The following INHBC variants were observed in gnomAD, a reference collection of about 807,000 sequenced individuals.
INHBC encodes inhibin subunit beta C.
A neutral mutation model predicts 12.4 loss-of-function variants in INHBC; 10 were observed. The ratio of observed to expected loss-of-function variants is 0.81; its 90% CI spans 0.50 to 1.37. The LOEUF is 1.37. Ranked by LOEUF, INHBC falls within the 40% of genes most tolerant of loss-of-function variation. The probability of loss-of-function intolerance (pLI) is 0.00; values close to 1 mark genes in which losing one functional copy is unlikely to be tolerated. For missense variants in INHBC, 382 were observed against 439.4 expected (o/e 0.87, Z 1.17); for synonymous variants, 147 against 171.6 (o/e 0.86, Z 1.12).
intron 1 of INHBC, among the ~76,000 whole-genome samples, chr12:57,440,711 T>C (rs938453458): frequency 6.6e-6 from 1 of 152,214 alleles, no homozygotes; most frequent in Non-Finnish European, 1.5e-5. Flanking sequence ...ATTTTCAGCA[T>C]TCTGCCTGGA....
intron 1 of INHBC, among the ~76,000 whole-genome samples, chr12:57,447,892 A>AAAATATAT (rs1555325179): frequency 8.1e-4 from 16 of 19,860 alleles, no homozygotes; most frequent in Non-Finnish European, 9.5e-4. Context: ...AAAAAAAAAA[A>AAAATATAT]ATATATATAT....
chr12:57,443,034 A>T (rs1175703345), intron 1 of INHBC, among the ~76,000 whole-genome samples: 1 of 150,336 alleles, frequency 6.7e-6, no homozygotes. Context: ...TTTCCAATTT[A>T]CATGAAGCCT....
At chr12:57,447,922 T>TATATATATATATAA (rs1324931217) in intron 1 of INHBC, among the ~76,000 whole-genome samples, 3 of 75,622 alleles carry the variant, frequency 4.0e-5, no homozygotes, top group African/African-American at 5.3e-5. Flanking sequence ...TATATATATA[T>TATATATATATATAA]AAAATATATG....
intron 1 of INHBC, among the ~76,000 whole-genome samples, chr12:57,437,513 CA>C (rs1343929702): frequency 6.6e-6 from 1 of 150,780 alleles, no homozygotes; most frequent in Admixed American, 6.6e-5. Flanking sequence ...ACTAAAAATA[CA>C]AAAAAAATTA....
chr12:57,450,627 C>G lies in INHBC; in HGVS notation c.*605C>G, dbSNP rs569436333. 1 of 152,420 alleles carries G rather than the reference C, an allele frequency of 6.6e-6. No homozygotes were observed. The highest frequency in any genetic ancestry group is 2.1e-4 in the South Asian group (1 of 4,826). The allele number at this position is 152,420 out of a possible 1,614,324, so 9.4% of individuals were successfully genotyped here. On this transcript the variant is annotated 3_prime_UTR_variant, in exon 2 of 2. Transcript: ENST00000309668. ...ATTTTTTGTCCTTCTCTGCCTTTCT[C>G]TATGCCCTTAAGGGCTGACTTGCCT...
At chr12:57,446,289 G>T (rs1398209856) in intron 1 of INHBC, among the ~76,000 whole-genome samples, 2 of 151,906 alleles carry the variant, frequency 1.3e-5, no homozygotes, top group Non-Finnish European at 2.9e-5. Context: ...GGATGTCCAA[G>T]TCAAATATCA....
At chr12:57,443,633 A>C (rs1477569702) in intron 1 of INHBC, among the ~76,000 whole-genome samples, 2 of 152,198 alleles carry the variant, frequency 1.3e-5, no homozygotes, top group African/African-American at 4.8e-5. Context: ...GCCAAATTAC[A>C]ATGGGTATTT....
At chr12:57,440,420 C>T (rs1456137278) in intron 1 of INHBC, among the ~76,000 whole-genome samples, 2 of 146,610 alleles carry the variant, frequency 1.4e-5, no homozygotes, top group Non-Finnish European at 3.0e-5. Context: ...GCAACCTCTG[C>T]CTCCCGGGTT....
At chr12:57,441,354 CAAAAAAAAAAAAAA>C (rs1171735520) in intron 1 of INHBC, among the ~76,000 whole-genome samples, 1 of 33,926 alleles carries the variant, frequency 2.9e-5, no homozygotes, top group Non-Finnish European at 4.8e-5. Flanking sequence ...AATTCCATCT[CAAAAAAAAAAAAAA>C]AAAAAAAAAA....
chr12:57,448,148 TCA>T (rs1381457204), intron 1 of INHBC, among the ~76,000 whole-genome samples: 1 of 151,588 alleles, frequency 6.6e-6, no homozygotes, highest in Non-Finnish European at 1.5e-5. Context: ...GCCAGGACAT[TCA>T]TGTGACAAAA....
chr12:57,439,223 A>T (rs578247058), intron 1 of INHBC, among the ~76,000 whole-genome samples: 1 of 152,254 alleles, frequency 6.6e-6, no homozygotes, highest in African/African-American at 2.4e-5. Flanking sequence ...CAGGATAAAC[A>T]TAATAGATAT....
chr12:57,449,419 C>A lies in INHBC; in HGVS notation c.456C>A (p.Val152=). ...SNTTWTLKVR[V]LVLGPHNTNL... is the part of the protein sequence containing the mutation. ...CCACTTGGACCTTGAAAGTGAGAGT[C>A]CTTGTGCTGGGTCCACATAATACCA... is the stretch of plus-strand genomic sequence containing the variant. The change falls in exon 2 of 2, where the codon GTC becomes GTA. Residue 152 remains valine (V), a synonymous_variant. Coordinates refer to ENST00000309668, the MANE Select transcript of INHBC (RefSeq NM_005538.4). 6.2e-7 allele frequency: 1 copy of A among 1,614,188 alleles called. No homozygotes were observed. Among genetic ancestry groups the A allele is most frequent in the South Asian group, 1.1e-5 (1 of 91,084 alleles).
chr12:57,442,034 A>G (rs1010132294), intron 1 of INHBC, among the ~76,000 whole-genome samples: 33 of 152,160 alleles, frequency 2.2e-4, no homozygotes, highest in African/African-American at 7.5e-4. Context: ...CTTCTGCTCC[A>G]TGTGGTGTAG....
intron 1 of INHBC, among the ~76,000 whole-genome samples, chr12:57,436,658 TTTTTA>T (rs913016485): frequency 2.0e-5 from 3 of 151,264 alleles, no homozygotes; most frequent in African/African-American, 4.9e-5. Flanking sequence ...TTTTTTTTAT[TTTTTA>T]TTTTATTTTA....
chr12:57,450,943 A>G lies in INHBC; in HGVS notation c.*921A>G, dbSNP rs1870699917. 1 of 152,052 alleles carries G rather than the reference A, an allele frequency of 6.6e-6. No individual in the cohort carries two copies. The highest frequency in any genetic ancestry group is 6.5e-5 in the Admixed American group (1 of 15,268). The allele number at this position is 152,052 out of a possible 1,614,324, so 9.4% of individuals were successfully genotyped here. A position where few individuals can be genotyped will look rare whatever the true frequency, so the allele number is the denominator to read the frequency against. ...CTATACCTCTGTAAATAATTCCTTC[A>G]CTAAGTTCTCTTGATGAAGCAAAAA... On this transcript the variant is annotated 3_prime_UTR_variant, in exon 2 of 2. Transcript: ENST00000309668.
Position 57,450,088 on chromosome 12 carries a change from T to A in INHBC, c.*66T>A. 1.4e-6 allele frequency: 2 copies of A among 1,435,128 alleles called. No individual in the cohort carries two copies. Among genetic ancestry groups the A allele is most frequent in the Middle Eastern group, 2.6e-4 (1 of 3,812 alleles). 88.9% of individuals were successfully genotyped at this position (1,435,128 alleles called of 1,614,324 possible). ...CACGCCCCTACAGAAGTGCACTTCC[T>A]TGAGAGGAGGGAATGACCTCATTCT... On this transcript the variant is annotated 3_prime_UTR_variant, in exon 2 of 2. Coordinates refer to ENST00000309668, the MANE Select transcript of INHBC (RefSeq NM_005538.4).
At chr12:57,444,911 G>T (rs374942400) in intron 1 of INHBC, among the ~76,000 whole-genome samples, 17 of 152,178 alleles carry the variant, frequency 1.1e-4, no homozygotes, top group African/African-American at 4.1e-4. Context: ...CAAACTCCTG[G>T]CCTCAAGCAA....
At chr12:57,441,049 A>G (rs931969352) in intron 1 of INHBC, among the ~76,000 whole-genome samples, 3 of 152,126 alleles carry the variant, frequency 2.0e-5, no homozygotes, top group African/African-American at 7.2e-5. Context: ...TTTAAAACAA[A>G]CAAACAAACA....
chr12:57,449,431 T>C lies in INHBC; in HGVS notation c.468T>C (p.Gly156=), dbSNP rs771888814. Reference sequence around the variant, plus strand: ...TGAAAGTGAGAGTCCTTGTGCTGGGTCCACATAATACCAACCTCACCTTGG... The same window carrying C: ...TGAAAGTGAGAGTCCTTGTGCTGGGCCCACATAATACCAACCTCACCTTGG... The part of the protein sequence containing the change: ...WTLKVRVLVL[G]PHNTNLTLAT... The change falls in exon 2 of 2, where the codon GGT becomes GGC. Residue 156 remains glycine, a synonymous_variant. Transcript: ENST00000309668. 1 of 1,614,076 alleles carries C rather than the reference T, an allele frequency of 6.2e-7. No individual in the cohort carries two copies. Among genetic ancestry groups the C allele is most frequent in the Admixed American group, 1.7e-5 (1 of 60,008 alleles).
Sources: allele counts gnomAD v4.1 joint callset (sites outside exome capture counted in the v4.1 genomes callset), GRCh38; gene constraint gnomAD v4.1.1; transcripts MANE v1.5; gene names NCBI Gene and HGNC (gene_info 2026-07-23, HGNC 2026-07-21).